The following ZNF385D variants were observed in gnomAD, a reference collection of about 807,000 sequenced individuals.
The protein encoded by ZNF385D is zinc finger protein 385D.
A neutral mutation model predicts 35.8 loss-of-function variants in ZNF385D; 15 were observed. That is an observed-to-expected ratio of 0.42 (90% CI 0.28 to 0.64). The LOEUF is 0.64. Among genes scored for constraint, ZNF385D ranks in the 30% least tolerant of loss-of-function variants. The pLI is 0.23. For synonymous variants in ZNF385D, 212 were observed against 186.8 expected, an observed-to-expected ratio of 1.13 and a Z score of -1.10; for missense variants, 474 against 494.6, an observed-to-expected ratio of 0.96 and a Z score of 0.39.
intron 3 of ZNF385D, among the ~76,000 whole-genome samples, chr3:22,150,917 T>G (rs1340247970): frequency 6.6e-6 from 1 of 152,164 alleles, no homozygotes; most frequent in East Asian, 1.9e-4. Flanking sequence ...CATAACGGAC[T>G]AGAGAGTAAA....
intron 3 of ZNF385D, among the ~76,000 whole-genome samples, chr3:22,086,513 A>G (rs1462211907): frequency 6.6e-6 from 1 of 152,176 alleles, no homozygotes; most frequent in African/African-American, 2.4e-5. Context: ...GACCTCTTCA[A>G]GGAGAACTAC....
At chr3:22,370,437 T>G (rs1322147393) in intron 2 of ZNF385D, among the ~76,000 whole-genome samples, 1 of 152,216 alleles carries the variant, frequency 6.6e-6, no homozygotes, top group Admixed American at 6.5e-5. Flanking sequence ...ATTATATAAG[T>G]GCCACACAAT....
chr3:21,713,308 G>A (rs1420851244), intron 1 of ZNF385D, among the ~76,000 whole-genome samples: 1 of 152,166 alleles, frequency 6.6e-6, no homozygotes, highest in African/African-American at 2.4e-5. Flanking sequence ...AGTAAATTGA[G>A]AGCCCAAACT....
intron 2 of ZNF385D, among the ~76,000 whole-genome samples, chr3:22,191,388 G>C (rs1696017256): frequency 6.6e-6 from 1 of 151,764 alleles, no homozygotes; most frequent in South Asian, 2.1e-4. Context: ...TCAGGAGGCT[G>C]AGGCAGAAGA....
intron 3 of ZNF385D, among the ~76,000 whole-genome samples, chr3:22,125,726 T>G (rs1387355601): frequency 6.6e-6 from 1 of 152,154 alleles, no homozygotes; most frequent in Non-Finnish European, 1.5e-5. Flanking sequence ...AATTGTTCAC[T>G]GTTGGCATAT....
In ZNF385D at chr3:22,307,870, G is replaced by C. The variant is rs142218447; in HGVS notation, c.106+64580C>G. Among the ~76,000 whole-genome samples the C allele has an allele frequency of 2.7e-3, 409 of 152,084 alleles. 1 individual carries two copies. Among genetic ancestry groups the C allele is most frequent in the Middle Eastern group, 6.8e-3 (2 of 294 alleles). On this transcript the variant is annotated intron_variant, in intron 2 of 5. Coordinates refer to the ZNF385D transcript ENST00000494108. ...GCATATCTTCAGAGAAGACTAGTAA[G>C]ATCATCAAATTCAGAATATGTTTCT...
At position 21,684,396 on chromosome 3, in the gene ZNF385D, CTCTCTCTCCTCTCTCT is replaced by C. The variant is rs1231066237; in HGVS notation, c.23-19384_23-19369del. Among the ~76,000 whole-genome samples the C allele has an allele frequency of 1.6e-3, 131 of 83,300 alleles. 1 individual carries two copies. The highest frequency in any genetic ancestry group is 9.1e-3 in the East Asian group (22 of 2,430). 54.6% of individuals were successfully genotyped at this position (83,300 alleles called of 152,430 possible). On this transcript the variant is annotated intron_variant, in intron 1 of 7. Coordinates refer to ENST00000281523, the MANE Select transcript of ZNF385D (RefSeq NM_024697.3). ...TCTCTCTCTCTCTCTCTCTCTCTCT[CTCTCTCTCCTCTCTCT>C]CTCTCTCTCTCTCTCTCTCCTCTCT...
chr3:22,022,234 G>A (rs1449986952), intron 3 of ZNF385D, among the ~76,000 whole-genome samples: 3 of 152,004 alleles, frequency 2.0e-5, no homozygotes, highest in Non-Finnish European at 4.4e-5. Context: ...TAAGTTAACT[G>A]GCACATGGTT....
intron 2 of ZNF385D, among the ~76,000 whole-genome samples, chr3:22,300,658 C>A (rs749279149): frequency 6.6e-6 from 1 of 151,838 alleles, no homozygotes; most frequent in East Asian, 1.9e-4. Context: ...CTAAAGAAGG[C>A]ATACAAATGA....
In ZNF385D at chr3:22,228,204, C is replaced by A. The variant is rs970116770; in HGVS notation, c.107-59169G>T. Among the ~76,000 whole-genome samples the A allele has an allele frequency of 2.6e-5, 4 of 152,202 alleles. No homozygotes were observed. The South Asian group carries it at 8.3e-4, about 31-fold the overall frequency. ...GAGACAACAAAACAGTCTGTGAGAG[C>A]TACTAACCCTACAGAGATGTAATGC... On this transcript the variant is annotated intron_variant, in intron 2 of 5. Transcript: ENST00000494108.
intron 2 of ZNF385D, among the ~76,000 whole-genome samples, chr3:22,197,911 T>G (rs1215854612): frequency 6.6e-6 from 1 of 152,148 alleles, no homozygotes; most frequent in Non-Finnish European, 1.5e-5. Context: ...CTTTTTGTTA[T>G]CATTTTATGT....
At chr3:22,037,283 C>T (rs1055844939) in intron 3 of ZNF385D, among the ~76,000 whole-genome samples, 13 of 136,788 alleles carry the variant, frequency 9.5e-5, no homozygotes, top group Non-Finnish European at 1.6e-4. Context: ...TGAGGAATCA[C>T]CACACTGTCT....
intron 4 of ZNF385D, among the ~76,000 whole-genome samples, chr3:21,464,587 G>T (rs908775239): frequency 6.6e-6 from 1 of 151,932 alleles, no homozygotes; most frequent in Admixed American, 6.6e-5. Context: ...AATAGATTAC[G>T]CTCTAGAATT....
chr3:21,964,470 A>ATTTTTTT (rs377650103), intron 3 of ZNF385D, among the ~76,000 whole-genome samples: 4 of 68,160 alleles, frequency 5.9e-5, no homozygotes, highest in Admixed American at 2.5e-4. Flanking sequence ...AATTTCTCAG[A>ATTTTTTT]TTTTTTTTTT....
intron 4 of ZNF385D, among the ~76,000 whole-genome samples, chr3:21,476,744 C>T (rs192342154): frequency 2.0e-5 from 3 of 152,152 alleles, no homozygotes; most frequent in South Asian, 4.2e-4. Flanking sequence ...TATTTCCTTA[C>T]CCAAATGTAA....
intron 2 of ZNF385D, among the ~76,000 whole-genome samples, chr3:22,221,383 AC>A (rs1011630091): frequency 6.6e-6 from 1 of 151,888 alleles, no homozygotes; most frequent in Non-Finnish European, 1.5e-5. Flanking sequence ...TTGCATATAT[AC>A]CCCCCCACCT....
intron 3 of ZNF385D, among the ~76,000 whole-genome samples, chr3:21,843,761 A>T (rs1425200634): frequency 6.6e-6 from 1 of 151,968 alleles, no homozygotes; most frequent in African/African-American, 2.4e-5. Context: ...ATTCTTAATG[A>T]AAGAGTTATT....
intron 3 of ZNF385D, among the ~76,000 whole-genome samples, chr3:22,114,236 T>G (rs922293140): frequency 6.6e-5 from 10 of 152,034 alleles, no homozygotes; most frequent in Non-Finnish European, 1.5e-4. Flanking sequence ...TGGATAAGGA[T>G]TTACATAACA....
intron 1 of ZNF385D, among the ~76,000 whole-genome samples, chr3:21,711,038 A>ATTTTTTTTTTTTTT (rs562190313): frequency 1.6e-4 from 9 of 55,824 alleles, no homozygotes; most frequent in African/African-American, 5.8e-4. Context: ...TCCCTCTAAA[A>ATTTTTTTTTTTTTT]GTTTTTTTTT....
Sources: allele counts gnomAD v4.1 joint callset (sites outside exome capture counted in the v4.1 genomes callset), GRCh38; gene constraint gnomAD v4.1.1; transcripts MANE v1.5; gene names NCBI Gene and HGNC (gene_info 2026-07-23, HGNC 2026-07-21).